Variants in PMFBP1 observed in about 807,000 individuals in gnomAD.
PMFBP1 encodes polyamine-modulated factor 1-binding protein 1.
PMFBP1 carries 131 observed loss-of-function variants against 137.8 expected under a neutral mutation model. The ratio of observed to expected loss-of-function variants is 0.95; its 90% CI spans 0.82 to 1.10. PMFBP1 has a LOEUF of 1.10. Ranked by LOEUF, PMFBP1 falls within the 50% of genes least tolerant of loss-of-function variation. The probability of loss-of-function intolerance (pLI) is 0.00; values close to 1 mark genes in which losing one functional copy is unlikely to be tolerated. For missense variants in PMFBP1, 1,199 were observed against 1,175.4 expected, an observed-to-expected ratio of 1.02 and a Z score of -0.29; for synonymous variants, 490 against 450.4, an observed-to-expected ratio of 1.09 and a Z score of -1.11.
the PMFBP1 span, among the ~76,000 whole-genome samples, chr16:72,240,192 T>C: frequency 6.6e-6 from 1 of 152,212 alleles, no homozygotes; most frequent in African/African-American, 2.4e-5. Flanking sequence ...AAGGAGGCTG[T>C]ACCTGCTAAA....
At chr16:72,136,935 C>T (rs2144325450) in intron 7 of PMFBP1, 116 bp from the exon 8 acceptor site, 1 of 1,398,924 alleles carries the variant, frequency 7.1e-7, no homozygotes, top group Non-Finnish European at 9.7e-7. Flanking sequence ...AGAGTAATGG[C>T]TGCTGGGGGC....
intron 3 of PMFBP1, 99 bp from the exon 4 acceptor site, chr16:72,154,558 A>C (rs1159783799): frequency 7.6e-7 from 1 of 1,323,020 alleles, no homozygotes; most frequent in Non-Finnish European, 1.0e-6. Context: ...ATTCACATCC[A>C]TCTATCCATC....
chr16:72,239,097 G>A, the PMFBP1 span, among the ~76,000 whole-genome samples: 2 of 152,186 alleles, frequency 1.3e-5, no homozygotes, highest in Non-Finnish European at 2.9e-5. Context: ...AATGTTATTA[G>A]TGCTGAGATT....
chr16:72,193,930 C>T, the PMFBP1 span, among the ~76,000 whole-genome samples: 1 of 151,816 alleles, frequency 6.6e-6, no homozygotes, highest in Non-Finnish European at 1.5e-5. Context: ...ATTACAACCT[C>T]CCCATGAGGT....
chr16:72,123,669 C>G lies in PMFBP1; in HGVS notation c.2590-20G>C. On this transcript the variant is annotated intron_variant, in intron 17 of 20. Transcript: ENST00000237353. ...GCAGGGCTTGGGTACAAGAAGAAAA[C>G]GAGACAGTCAGAGGTGGGAGCACAG... 1 of 1,608,084 alleles carries G rather than the reference C, an allele frequency of 6.2e-7. No individual in the cohort carries two copies. Among genetic ancestry groups the G allele is most frequent in the Non-Finnish European group, 8.5e-7 (1 of 1,175,382 alleles).
At chr16:72,219,262 C>T in the PMFBP1 span, among the ~76,000 whole-genome samples, 9 of 152,072 alleles carry the variant, frequency 5.9e-5, no homozygotes, top group Non-Finnish European at 1.0e-4. Context: ...CGCTGTAGGG[C>T]TTTTTACTTG....
chr16:72,249,638 C>T, the PMFBP1 span, among the ~76,000 whole-genome samples: 3 of 151,270 alleles, frequency 2.0e-5, no homozygotes, highest in African/African-American at 7.3e-5. Flanking sequence ...TGCATCAGGC[C>T]GGGTGCAGTG....
At chr16:72,194,425 C>T in the PMFBP1 span, among the ~76,000 whole-genome samples, 1 of 152,044 alleles carries the variant, frequency 6.6e-6, no homozygotes. Flanking sequence ...GATTCTTTGT[C>T]AAGCGATTCG....
chr16:72,201,688 C>T, the PMFBP1 span, among the ~76,000 whole-genome samples: 1 of 152,228 alleles, frequency 6.6e-6, no homozygotes, highest in East Asian at 1.9e-4. Flanking sequence ...ATTTACCTTT[C>T]CCTCTGGGCC....
chr16:72,129,073 T>C lies in PMFBP1; in HGVS notation c.1943A>G (p.Asp648Gly). The change falls in exon 13 of 21, where the codon GAC becomes GGC. Residue 648 changes from aspartate (D) to glycine (G), a missense_variant. Physicochemically the swap from Asp to Gly is moderately conservative, Grantham distance 94 (BLOSUM62 -1). Coordinates refer to ENST00000237353, the MANE Select transcript of PMFBP1 (RefSeq NM_031293.3). ...EALRQEFKKKDKTLKENSRKL... is the reference protein window; with the variant it reads ...EALRQEFKKKGKTLKENSRKL... ...TGGGATTCTCCCACTCACCGTCTTG[T>C]CTTTCTTTTTAAATTCCTGCCGCAA... The C allele has an allele frequency of 1.2e-6, 2 of 1,613,832 alleles. No individual in the cohort carries two copies. The highest frequency in any genetic ancestry group is 1.7e-6 in the Non-Finnish European group (2 of 1,179,940).
chr16:72,178,325 T>C (rs2043265477), upstream of PMFBP1, among the ~76,000 whole-genome samples: 1 of 152,190 alleles, frequency 6.6e-6, no homozygotes, highest in African/African-American at 2.4e-5. Flanking sequence ...TTATCTACTA[T>C]AAAGTTATTA....
chr16:72,207,672 A>G, the PMFBP1 span, among the ~76,000 whole-genome samples: 1 of 151,530 alleles, frequency 6.6e-6, no homozygotes, highest in Non-Finnish European at 1.5e-5. Context: ...ATTTGAGAGT[A>G]CAGTCCAGGT....
At chr16:72,125,929 CCTG>C (rs1384668997) in intron 15 of PMFBP1, 36 bp downstream of exon 15, 1 of 1,600,062 alleles carries the variant, frequency 6.2e-7, no homozygotes, top group African/African-American at 1.3e-5. Context: ...CGTTTCCTTG[CCTG>C]AAAACAGCCC....
chr16:72,183,282 C>T, the PMFBP1 span, among the ~76,000 whole-genome samples: 2 of 152,184 alleles, frequency 1.3e-5, no homozygotes, highest in African/African-American at 2.4e-5. Flanking sequence ...ATATTAGTTG[C>T]CTAGGGCTAC....
intron 5 of PMFBP1, among the ~76,000 whole-genome samples, chr16:72,149,493 C>T (rs2042867658): frequency 1.3e-5 from 2 of 152,124 alleles, no homozygotes; most frequent in Admixed American, 1.3e-4. Flanking sequence ...ATCCCTACTA[C>T]AGAATACAAG....
the PMFBP1 span, among the ~76,000 whole-genome samples, chr16:72,186,339 C>T: frequency 2.6e-5 from 4 of 152,156 alleles, no homozygotes; most frequent in Admixed American, 1.3e-4. Context: ...ACTTTCTATT[C>T]AAATAATTAA....
upstream of PMFBP1, among the ~76,000 whole-genome samples, chr16:72,172,638 G>A (rs1332041620): frequency 6.6e-6 from 1 of 151,610 alleles, no homozygotes; most frequent in African/African-American, 2.4e-5. Flanking sequence ...GAGAGATTGC[G>A]GGTTTGGTTT....
chr16:72,118,831 T>C (rs2042335328), downstream of PMFBP1, among the ~76,000 whole-genome samples: 2 of 152,178 alleles, frequency 1.3e-5, no homozygotes, highest in Admixed American at 1.3e-4. Flanking sequence ...CTTCCTTTCT[T>C]TGGGGTCTCA....
intron 3 of PMFBP1, among the ~76,000 whole-genome samples, chr16:72,158,526 G>A (rs564351695): frequency 8.5e-5 from 13 of 152,064 alleles, no homozygotes; most frequent in Non-Finnish European, 1.3e-4. Context: ...AGATAGAGGG[G>A]CTTCTGAAGA....
Sources: gnomAD v4.1 joint callset for allele counts (sites outside exome capture counted in the v4.1 genomes callset) on GRCh38, gnomAD v4.1.1 for gene constraint, MANE v1.5 for transcripts, NCBI Gene and HGNC (gene_info 2026-07-23, HGNC 2026-07-21) for gene names.